Variants in ITFG2 observed in about 807,000 individuals in gnomAD.
The protein encoded by ITFG2 is KICSTOR complex protein ITFG2.
In ITFG2, 36 loss-of-function variants were observed where a neutral mutation model predicts 54.4. The ratio of observed to expected loss-of-function variants is 0.66; its 90% confidence interval spans 0.51 to 0.87. The LOEUF is 0.87. Ranked by LOEUF, ITFG2 falls within the 40% of genes least tolerant of loss-of-function variation. The pLI, the probability that ITFG2 is intolerant of heterozygous loss-of-function variation, is 0.00. For synonymous variants in ITFG2, 211 were observed against 225.4 expected, an observed-to-expected ratio of 0.94 and a Z score of 0.57; for missense variants, 524 against 576.7, an observed-to-expected ratio of 0.91 and a Z score of 0.94.
intron 2 of ITFG2, chr12:2,855,420 T>C: frequency 6.3e-6 from 2 of 315,652 alleles, no homozygotes; most frequent in Non-Finnish European, 1.3e-5. Flanking sequence ...TTTGGGAGGG[T>C]GGGAGGGACT....
At chr12:2,858,561 TCA>T in intron 3 of ITFG2, 1 of 1,315,378 alleles carries the variant, frequency 7.6e-7, no homozygotes, top group Non-Finnish European at 1.1e-6. Context: ...CTGTCCTCAC[TCA>T]GAGGCTTGGG....
chr12:2,857,141 G>C (rs1040934686), intron 2 of ITFG2: 1 of 697,822 alleles, frequency 1.4e-6, no homozygotes, highest in Non-Finnish European at 2.6e-6. Flanking sequence ...GCAGAGAAGA[G>C]GCCCTCACCT....
intron 2 of ITFG2, among the ~76,000 whole-genome samples, chr12:2,854,583 G>A (rs2098081362): frequency 6.6e-6 from 1 of 152,166 alleles, no homozygotes; most frequent in Non-Finnish European, 1.5e-5. Context: ...TGCATGTGTA[G>A]CCTTTTTTTG....
At chr12:2,834,928 C>T, upstream of ITFG2, 1 of 1,611,214 alleles carries the variant, frequency 6.2e-7, no homozygotes, top group African/African-American at 1.3e-5. Context: ...CGTGCTGCAG[C>T]TCTCTTTCCA....
chr12:2,824,481 A>T lies in ITFG2; in HGVS notation c.*288A>T. The stretch of plus-strand genomic sequence containing the variant: ...CTTGTTCCAAATCATCTGGGACATG[A>T]CCCACTCCCCACTGTCACTGTGTTG... On this transcript the variant is annotated 3_prime_UTR_variant, in exon 12 of 12. Coordinates refer to ENST00000228799, the MANE Select transcript of ITFG2 (RefSeq NM_018463.4). 2.3e-6 allele frequency: 1 copy of T among 431,198 alleles called. No individual in the cohort carries two copies. The highest frequency in any genetic ancestry group is 4.4e-6 in the Non-Finnish European group (1 of 229,050). 26.7% of individuals were successfully genotyped at this position (431,198 alleles called of 1,614,324 possible).
chr12:2,830,457 TA>T (rs1565429742), intron 2 of ITFG2: 1 of 436,136 alleles, frequency 2.3e-6, no homozygotes, highest in Non-Finnish European at 4.1e-6. Flanking sequence ...AGTACTTACT[TA>T]ATTTAAGTAT....
chr12:2,854,955 C>T (rs1057310764), intron 2 of ITFG2: 3 of 1,536,188 alleles, frequency 2.0e-6, no homozygotes, highest in Non-Finnish European at 2.6e-6. Context: ...GTGCTCTTGC[C>T]TCACTCCTCA....
Position 2,842,795 on chromosome 12 carries a change from C to A in ITFG2, n.300+1800C>A, listed in dbSNP as rs142587196. ...TCCATTATGTTTCTGTTGGACAGCC[C>A]TGATCTAAATAGATTCTACAGCTCC... On this transcript the variant is annotated intron_variant and non_coding_transcript_variant, in intron 2 of 3. Transcript: ENST00000537710. 5.3e-5 allele frequency among the ~76,000 whole-genome samples: 8 copies of A among 152,230 alleles called. No homozygotes were observed. The South Asian group carries it at 1.5e-3, about 28-fold the overall frequency.
At chr12:2,832,728 C>G (rs1285257464), upstream of ITFG2, among the ~76,000 whole-genome samples, 3 of 149,566 alleles carry the variant, frequency 2.0e-5, no homozygotes, top group Non-Finnish European at 4.4e-5. Flanking sequence ...TTTTTATATC[C>G]CAGGGCATGG....
chr12:2,856,966 G>T (rs769370652), intron 2 of ITFG2: 81 of 703,046 alleles, frequency 1.2e-4, no homozygotes, highest in African/African-American at 1.1e-3. Flanking sequence ...TGCAGGAAAG[G>T]TTCTTCCATA....
At chr12:2,817,401 G>C in intron 2 of ITFG2, 83 bp downstream of exon 2, 1 of 917,148 alleles carries the variant, frequency 1.1e-6, no homozygotes, top group South Asian at 1.5e-5. Context: ...CCACACAGGT[G>C]CTCACCCATG....
rs1340186537 is a variant in ITFG2, at chr12:2,821,505, G to A, written c.794-38G>A. 5.6e-6 allele frequency: 9 copies of A among 1,610,482 alleles called. No individual in the cohort carries two copies. The East Asian group carries it at 2.0e-4, about 36-fold the overall frequency. ...CCCTCTCCCCGTAGGCTCTGACCTT[G>A]CCCTGCCCTTTACATATTCTTCCTC... On this transcript the variant is annotated intron_variant, in intron 7 of 11. Coordinates refer to ENST00000228799, the MANE Select transcript of ITFG2 (RefSeq NM_018463.4).
upstream of ITFG2, chr12:2,834,761 C>T (rs141805014): frequency 1.3e-4 from 209 of 1,613,850 alleles, no homozygotes; most frequent in Non-Finnish European, 1.7e-4. Flanking sequence ...TGGGCTCGGT[C>T]TCGAAGCTGT....
upstream of ITFG2, chr12:2,834,653 A>C (rs375970571): frequency 1.3e-6 from 2 of 1,596,796 alleles, no homozygotes; most frequent in South Asian, 1.1e-5. Flanking sequence ...AAGTCCTTGG[A>C]GGTGCCGAGC....
In ITFG2 at chr12:2,822,923, C is replaced by T. The variant is rs1337303487; in HGVS notation, c.1066+12C>T. ...TGCCTTCTGTGCAGGTGACCCCCGC[C>T]CCCATGGCCCCTTTCTAACCACACT... is the stretch of plus-strand genomic sequence containing the variant. On this transcript the variant is annotated intron_variant, in intron 10 of 11. Transcript: ENST00000228799. The T allele has an allele frequency of 1.3e-6, 2 of 1,597,646 alleles. No individual in the cohort carries two copies.
chr12:2,855,513 C>A (rs565616786), intron 2 of ITFG2: 1 of 1,252,458 alleles, frequency 8.0e-7, no homozygotes. Context: ...GTGGGTGAGG[C>A]ACTCCGCTCT....
At chr12:2,826,382 C>T (rs1205719222), downstream of ITFG2, 1 of 151,970 alleles carries the variant, frequency 6.6e-6, no homozygotes, top group East Asian at 1.9e-4. Context: ...TAGGTGAAGT[C>T]TGAGTGGTGA....
At chr12:2,828,485 C>T, downstream of ITFG2, 9 of 1,154,032 alleles carry the variant, frequency 7.8e-6, no homozygotes, top group Non-Finnish European at 1.2e-5. Context: ...CCTTCAGTTT[C>T]CCAGCCCATT....
chr12:2,821,924 T>A (rs1293446329), intron 9 of ITFG2, 132 bp downstream of exon 9: 1 of 688,650 alleles, frequency 1.5e-6, no homozygotes. Context: ...TCTCTTTTTT[T>A]TTTTTCCTTT....
Sources: allele counts gnomAD v4.1 joint callset (sites outside exome capture counted in the v4.1 genomes callset), GRCh38; gene constraint gnomAD v4.1.1; transcripts MANE v1.5; gene names NCBI Gene and HGNC (gene_info 2026-07-23, HGNC 2026-07-21).